GLI3: variants seen among roughly 807,000 people sequenced by gnomAD.
The protein encoded by GLI3 is GLI family zinc finger 3.
Under a neutral mutation model 100.8 loss-of-function variants are expected in GLI3, and 20 were observed. The observed-to-expected ratio is 0.20, with a 90% confidence interval of 0.14 to 0.29. The LOEUF (loss-of-function observed/expected upper bound fraction) is 0.29. GLI3 is among the 10% of genes least tolerant of loss of function. GLI3 has a pLI of 1.00. For missense variants in GLI3, 2,040 were observed against 2,128.5 expected, an observed-to-expected ratio of 0.96 and a Z score of 0.82; for synonymous variants, 938 against 860.5, an observed-to-expected ratio of 1.09 and a Z score of -1.58.
At chr7:42,260,479 A>G (rs1322473689) in intron 1 of GLI3, among the ~76,000 whole-genome samples, 1 of 152,252 alleles carries the variant, frequency 6.6e-6, no homozygotes, top group Admixed American at 6.5e-5. Flanking sequence ...ATGTGTGTGT[A>G]TAAGTATATA....
At chr7:42,133,119 G>A (rs1430294171) in intron 3 of GLI3, among the ~76,000 whole-genome samples, 1 of 152,028 alleles carries the variant, frequency 6.6e-6, no homozygotes, top group African/African-American at 2.4e-5. Flanking sequence ...TTTGAAGAAT[G>A]GAATTTGTTT....
intron 1 of GLI3, among the ~76,000 whole-genome samples, chr7:42,226,547 G>A (rs1012825284): frequency 2.0e-5 from 3 of 152,082 alleles, no homozygotes; most frequent in Non-Finnish European, 4.4e-5. Context: ...TCCTACCCCC[G>A]TCTGAAATGG....
intron 3 of GLI3, among the ~76,000 whole-genome samples, chr7:42,115,937 G>C (rs578034429): frequency 6.6e-6 from 1 of 152,196 alleles, no homozygotes; most frequent in African/African-American, 2.4e-5. Flanking sequence ...AATAGAGATT[G>C]TTGTGGGTTG....
Position 42,148,253 on chromosome 7 carries a change from T to C in GLI3, c.340A>G (p.Arg114Gly), listed in dbSNP as rs770806910. ...YRGTVFAMDPRNGYMEPHYHP... is the reference protein window; with the variant it reads ...YRGTVFAMDPGNGYMEPHYHP... ...TAGTGGGGCTCCATGTAACCATTCC[T>C]GGGGTCCATGGCAAACACCGTCCCG... Residue 114 changes from arginine to glycine, a missense_variant, in exon 3 of 15, where the codon AGG becomes GGG. Transcript: ENST00000395925. 9 of 1,612,234 alleles carry C rather than the reference T, an allele frequency of 5.6e-6. No individual in the cohort carries two copies. Among genetic ancestry groups the C allele is most frequent in the Non-Finnish European group, 7.6e-6 (9 of 1,179,130 alleles).
chr7:42,194,389 T>A (rs1317526140), intron 2 of GLI3, among the ~76,000 whole-genome samples: 3 of 152,250 alleles, frequency 2.0e-5, no homozygotes, highest in African/African-American at 4.8e-5. Context: ...TTTTGCTCTA[T>A]CTGCTTTCGG....
chr7:42,002,058 ACACACACACACACACACACG>A (rs1331974264), intron 10 of GLI3, among the ~76,000 whole-genome samples: 1 of 36,858 alleles, frequency 2.7e-5, no homozygotes, highest in Non-Finnish European at 4.7e-5. Context: ...ATGGCAAGAC[ACACACACACACACACACACG>A]CACACACACA....
chr7:42,207,392 G>T (rs1419032274), intron 2 of GLI3, among the ~76,000 whole-genome samples: 1 of 152,160 alleles, frequency 6.6e-6, no homozygotes, highest in Admixed American at 6.5e-5. Context: ...TCTGTGTATT[G>T]TATTTCAATT....
intron 3 of GLI3, among the ~76,000 whole-genome samples, chr7:42,081,454 G>A (rs891909984): frequency 3.9e-5 from 6 of 152,170 alleles, no homozygotes; most frequent in Non-Finnish European, 8.8e-5. Context: ...CTTGACACAT[G>A]TTTAAACTGA....
At chr7:42,256,741 C>T (rs1346884505) in intron 1 of GLI3, among the ~76,000 whole-genome samples, 1 of 152,082 alleles carries the variant, frequency 6.6e-6, no homozygotes, top group Non-Finnish European at 1.5e-5. Flanking sequence ...CTTTTTCCCC[C>T]AAAATTGTTT....
Position 41,964,620 on chromosome 7 carries a change from T to G in GLI3, c.4453A>C (p.Asn1485His). The G allele has an allele frequency of 6.2e-7, 1 of 1,613,552 alleles. No individual in the cohort carries two copies. The highest frequency in any genetic ancestry group is 1.1e-5 in the South Asian group (1 of 91,070). ...CTGTCCACTGTGCTTGTCACCTGATTAGCACCTGGGGAAAGTAACTCAGAG... is the reference window on the plus strand; with the variant it reads ...CTGTCCACTGTGCTTGTCACCTGATGAGCACCTGGGGAAAGTAACTCAGAG... ...KNSELLSPGA[N>H]QVTSTVDSLD... The change falls in exon 15 of 15, where the codon AAT becomes CAT. Residue 1485 changes from asparagine to histidine, a missense_variant. Around this residue, in one of 5 missense-constraint regions of GLI3, gnomAD observed 1,041 missense variants for 924.0 expected, o/e 1.13. Coordinates refer to ENST00000395925, the MANE Select transcript of GLI3 (RefSeq NM_000168.6).
chr7:42,102,773 G>C (rs1053696204), intron 3 of GLI3, among the ~76,000 whole-genome samples: 3 of 152,186 alleles, frequency 2.0e-5, no homozygotes, highest in African/African-American at 7.2e-5. Flanking sequence ...TCCTGCTCCG[G>C]CTTGTCCCTA....
chr7:42,178,952 G>A (rs1787536938), intron 2 of GLI3, among the ~76,000 whole-genome samples: 1 of 152,096 alleles, frequency 6.6e-6, no homozygotes, highest in Non-Finnish European at 1.5e-5. Flanking sequence ...AAGAGCCAGG[G>A]CAACAAGGCA....
Position 42,045,529 on chromosome 7 carries a change from C to T in GLI3, c.681G>A (p.Ala227=), listed in dbSNP as rs752998397. 6.8e-6 allele frequency: 11 copies of T among 1,613,670 alleles called. No individual in the cohort carries two copies. Among genetic ancestry groups the T allele is most frequent in the African/African-American group, 4.0e-5 (3 of 74,866 alleles). ...SATRGLSPTD[A]PHAGVSPAEY... ...CTGCTGGGCTGACTCCTGCATGGGG[C>T]GCTAGGAGGAGACAAGAGATGTATG... The change falls in exon 6 of 15, where the codon GCG becomes GCA. Residue 227 remains alanine (A), a splice_region_variant and synonymous_variant. Coordinates refer to ENST00000395925, the MANE Select transcript of GLI3 (RefSeq NM_000168.6).
chr7:42,241,262 A>C (rs1046946337), upstream of GLI3, among the ~76,000 whole-genome samples: 2 of 152,180 alleles, frequency 1.3e-5, no homozygotes, highest in Non-Finnish European at 2.9e-5. Flanking sequence ...AGGCAGCTGC[A>C]TTTTCATAAT....
chr7:42,191,655 A>C (rs547843129), intron 2 of GLI3, among the ~76,000 whole-genome samples: 1 of 148,676 alleles, frequency 6.7e-6, no homozygotes, highest in Admixed American at 6.7e-5. Context: ...CGTTTCAAAA[A>C]ATATATATAT....
intron 2 of GLI3, among the ~76,000 whole-genome samples, chr7:42,178,732 G>A (rs1030473476): frequency 1.5e-4 from 23 of 152,134 alleles, no homozygotes; most frequent in Non-Finnish European, 7.3e-5. Flanking sequence ...AGGAGGAAAG[G>A]ATAGTGTTTG....
chr7:42,166,889 G>T (rs1357136212), intron 2 of GLI3, among the ~76,000 whole-genome samples: 1 of 147,772 alleles, frequency 6.8e-6, no homozygotes, highest in East Asian at 2.0e-4. Flanking sequence ...GCAATGAGGT[G>T]ATCTCGGCTC....
At chr7:42,015,763 A>C (rs1365891962) in intron 10 of GLI3, among the ~76,000 whole-genome samples, 2 of 151,472 alleles carry the variant, frequency 1.3e-5, no homozygotes, top group East Asian at 1.9e-4. Flanking sequence ...ACCCCCCCAC[A>C]CATAGGTATA....
intron 3 of GLI3, among the ~76,000 whole-genome samples, chr7:42,132,915 CA>C (rs199933973): frequency 1.0e-3 from 145 of 141,042 alleles, no homozygotes; most frequent in Admixed American, 2.8e-3. Context: ...AAAATGAGCT[CA>C]AAAAAAAAAA....
Sources: gnomAD v4.1 joint callset for allele counts (sites outside exome capture counted in the v4.1 genomes callset) on GRCh38, gnomAD v4.1.1 for gene constraint, gnomAD v4.1.1 regional missense constraint, MANE v1.5 for transcripts, NCBI Gene and HGNC (gene_info 2026-07-23, HGNC 2026-07-21) for gene names.